Variants in ENTPD7 observed in about 807,000 individuals in gnomAD.
ENTPD7 encodes NTPDase 7.
A neutral mutation model predicts 77.9 loss-of-function variants in ENTPD7; 53 were observed. The ratio of observed to expected loss-of-function variants is 0.68; its 90% confidence interval spans 0.55 to 0.85. The LOEUF is 0.85. ENTPD7 is among the 40% of genes least tolerant of loss of function. The pLI is 0.00. For synonymous variants in ENTPD7, 248 were observed against 274.9 expected (o/e 0.90, Z 0.97); for missense variants, 636 against 743.7 (o/e 0.86, Z 1.68).
At chr10:99,665,256 GAA>G (rs11428277) in intron 3 of ENTPD7, among the ~76,000 whole-genome samples, 1 of 142,236 alleles carries the variant, frequency 7.0e-6, no homozygotes, top group African/African-American at 2.6e-5. Flanking sequence ...CTGTCTCAAA[GAA>G]AAAAAAAAAA....
At chr10:99,688,051 A>C (rs1240686270) in intron 6 of ENTPD7, among the ~76,000 whole-genome samples, 1 of 152,146 alleles carries the variant, frequency 6.6e-6, no homozygotes, top group East Asian at 1.9e-4. Flanking sequence ...TAGAGAGAAC[A>C]AAATAAGAAA....
In ENTPD7 at chr10:99,691,628, A is replaced by T. The variant is rs181580618; in HGVS notation, c.843+110A>T. 6.5e-6 allele frequency: 8 copies of T among 1,237,334 alleles called. No individual in the cohort carries two copies. The East Asian group carries it at 1.5e-4, about 23-fold the overall frequency. 76.6% of individuals were successfully genotyped at this position (1,237,334 alleles called of 1,614,324 possible). On this transcript the variant is annotated intron_variant, in intron 8 of 12. Transcript: ENST00000370489. ...TACCTGGCTCTAAATATTTGTTCAG[A>T]TACTTGCTAGCTTGCGTTATCTTGA...
Position 99,659,753 on chromosome 10 carries a change from C to A in ENTPD7, c.-95-109C>A. 1 of 641,856 alleles carries A rather than the reference C, an allele frequency of 1.6e-6. No individual in the cohort carries two copies. The highest frequency in any genetic ancestry group is 2.6e-6 in the Non-Finnish European group (1 of 385,092). 39.8% of individuals were successfully genotyped at this position (641,856 alleles called of 1,614,324 possible). On this transcript the variant is annotated intron_variant, in intron 1 of 12. Transcript: ENST00000370489. This position sits in a 1 kb window ranked among gnomAD's most constrained non-coding sequence, Gnocchi z 4.1. ...GTAGGGTCCCCTGGGCCTGAGGAAC[C>A]AGAGCAGACGGAGCGGGAGCCTGGG...
chr10:99,660,569 T>G (rs1237207008), intron 2 of ENTPD7: 2 of 292,388 alleles, frequency 6.8e-6, no homozygotes, highest in Non-Finnish European at 1.4e-5. Context: ...CACAGAGATA[T>G]ATTACTGTAA....
At chr10:99,669,596 G>GT (rs974397236) in intron 3 of ENTPD7, among the ~76,000 whole-genome samples, 3 of 151,636 alleles carry the variant, frequency 2.0e-5, no homozygotes, top group Admixed American at 6.6e-5. Context: ...CCAAAACTGT[G>GT]TTTTTTTTAA....
intron 10 of ENTPD7, among the ~76,000 whole-genome samples, chr10:99,699,916 C>A (rs2036077779): frequency 6.7e-6 from 1 of 148,622 alleles, no homozygotes; most frequent in Non-Finnish European, 1.5e-5. Flanking sequence ...TCCCTGCCTA[C>A]CTTTCTCTTT....
At position 99,710,837 on chromosome 10, in the gene ENTPD7, A is replaced by C; in HGVS notation, c.*6154A>C. 1.0e-6 allele frequency: 1 copy of C among 985,442 alleles called. No homozygotes were observed. The highest frequency in any genetic ancestry group is 1.2e-6 in the Non-Finnish European group (1 of 829,914). 61.0% of individuals were successfully genotyped at this position (985,442 alleles called of 1,614,324 possible). On this transcript the variant is annotated 3_prime_UTR_variant, in exon 13 of 13. Coordinates refer to ENST00000370489, the MANE Select transcript of ENTPD7 (RefSeq NM_020354.5). ...ACAATAGATAGTATTTGTCAGTCTA[A>C]GTTACAGACAAAAAATTCTAGGTTG...
chr10:99,700,427 TGTGTGTGTGTGTGTGTGTTTA>T (rs1252146721), intron 10 of ENTPD7, among the ~76,000 whole-genome samples: 1 of 150,972 alleles, frequency 6.6e-6, no homozygotes, highest in Non-Finnish European at 1.5e-5. Flanking sequence ...TGTGTGTGTG[TGTGTGTGTGTGTGTGTGTTTA>T]TTGTCTGTCT....
chr10:99,692,530 C>CTT (rs3047437), intron 8 of ENTPD7, among the ~76,000 whole-genome samples: 55,403 of 145,810 alleles, frequency 0.38, 11,000 homozygotes, highest in East Asian at 0.6. Context: ...TGAGAGTAGG[C>CTT]TTTTTTTTTT....
At chr10:99,669,748 T>TTG (rs1554835539) in intron 3 of ENTPD7, among the ~76,000 whole-genome samples, 4 of 125,350 alleles carry the variant, frequency 3.2e-5, no homozygotes, top group Non-Finnish European at 6.8e-5. Flanking sequence ...TGGTTTTTTT[T>TTG]TTTTTTTTTT....
intron 3 of ENTPD7, among the ~76,000 whole-genome samples, chr10:99,669,673 A>G (rs893705338): frequency 6.0e-5 from 9 of 150,750 alleles, no homozygotes; most frequent in Non-Finnish European, 1.5e-5. Flanking sequence ...GATTTACCAC[A>G]TATCCCCTGA....
intron 10 of ENTPD7, among the ~76,000 whole-genome samples, chr10:99,700,606 G>A (rs145426144): frequency 3.3e-5 from 5 of 152,306 alleles, no homozygotes; most frequent in South Asian, 2.1e-4. Context: ...TTACAACACC[G>A]AGGGAGGCCA....
At chr10:99,672,605 C>T (rs1305604258) in intron 3 of ENTPD7, among the ~76,000 whole-genome samples, 1 of 152,146 alleles carries the variant, frequency 6.6e-6, no homozygotes, top group East Asian at 1.9e-4. Flanking sequence ...ACACCCAGCC[C>T]ATTTATTTGA....
intron 9 of ENTPD7, 51 bp downstream of exon 9, chr10:99,696,173 A>G: frequency 6.3e-7 from 1 of 1,591,390 alleles, no homozygotes; most frequent in Non-Finnish European, 8.6e-7. Context: ...CAGGCTGCAG[A>G]TATTAGGGAG....
At position 99,707,929 on chromosome 10, in the gene ENTPD7, G is replaced by C. The variant is rs2036284253; in HGVS notation, c.*3246G>C. On this transcript the variant is annotated 3_prime_UTR_variant, in exon 13 of 13. Transcript: ENST00000370489. The stretch of plus-strand genomic sequence containing the variant: ...TTCCCACACCAAGGAACAAATTCAG[G>C]GGGTACAAGTGCAGGTTTGTTACAT... 6.6e-6 allele frequency among the ~76,000 whole-genome samples: 1 copy of C among 152,112 alleles called. No individual in the cohort carries two copies. Among genetic ancestry groups the C allele is most frequent in the Non-Finnish European group, 1.5e-5 (1 of 68,030 alleles).
In ENTPD7 at chr10:99,676,637, A is replaced by G. The variant is rs2133455045; in HGVS notation, c.192-2624A>G. ...CTTTTGTGAGGTCAGTATTTGCAAG[A>G]GTTCTGTGACTTGAACCCAGACTTT... On this transcript the variant is annotated intron_variant, in intron 3 of 12. Coordinates refer to ENST00000370489, the MANE Select transcript of ENTPD7 (RefSeq NM_020354.5). Among the ~76,000 whole-genome samples, 2 of 152,332 alleles carry G rather than the reference A, an allele frequency of 1.3e-5. 1 individual carries two copies. Among genetic ancestry groups the G allele is most frequent in the South Asian group, 4.1e-4 (2 of 4,828 alleles).
At chr10:99,696,248 C>A in intron 9 of ENTPD7, 126 bp downstream of exon 9, 1 of 1,117,912 alleles carries the variant, frequency 8.9e-7, no homozygotes, top group Non-Finnish European at 1.3e-6. Context: ...CTACCCCTGC[C>A]AATGGGGTAG....
At chr10:99,693,833 G>A (rs905642229) in intron 8 of ENTPD7, among the ~76,000 whole-genome samples, 9 of 151,748 alleles carry the variant, frequency 5.9e-5, no homozygotes, top group African/African-American at 1.9e-4. Context: ...CAGGAGAATC[G>A]CTTGAACCTG....
intron 7 of ENTPD7, among the ~76,000 whole-genome samples, chr10:99,690,016 T>C (rs993008745): frequency 2.0e-5 from 3 of 152,236 alleles, no homozygotes; most frequent in Non-Finnish European, 4.4e-5. Context: ...AAAAAAAGTT[T>C]TAATTATTAT....
Sources: allele counts gnomAD v4.1 joint callset (sites outside exome capture counted in the v4.1 genomes callset), GRCh38; gene constraint gnomAD v4.1.1; non-coding constraint Gnocchi (gnomAD v3.1); transcripts MANE v1.5; gene names NCBI Gene and HGNC (gene_info 2026-07-23, HGNC 2026-07-21).